The following CDH12 variants were observed in gnomAD, a reference collection of about 807,000 sequenced individuals.
CDH12 encodes the protein cadherin-12.
Under a neutral mutation model 74.1 loss-of-function variants are expected in CDH12, and 41 were observed. The ratio of observed to expected loss-of-function variants is 0.55; its 90% CI spans 0.43 to 0.72. The LOEUF (loss-of-function observed/expected upper bound fraction) is 0.72. Among genes scored for constraint, CDH12 ranks in the 30% least tolerant of loss-of-function variants. The pLI, the probability that CDH12 is intolerant of heterozygous loss-of-function variation, is 0.00. For synonymous variants in CDH12, 399 were observed against 355.0 expected, an observed-to-expected ratio of 1.12 and a Z score of -1.39; for missense variants, 945 against 977.2, an observed-to-expected ratio of 0.97 and a Z score of 0.44.
At chr5:21,808,558 C>T (rs1294210457) in intron 9 of CDH12, among the ~76,000 whole-genome samples, 1 of 151,872 alleles carries the variant, frequency 6.6e-6, no homozygotes, top group Non-Finnish European at 1.5e-5. Flanking sequence ...CTAAGACAAG[C>T]AGTTAGAAAA....
chr5:21,954,531 C>T (rs780475243), intron 6 of CDH12, among the ~76,000 whole-genome samples: 10 of 152,068 alleles, frequency 6.6e-5, no homozygotes, highest in Admixed American at 1.3e-4. Context: ...GTTAGTGCTG[C>T]TTGCTTTATA....
chr5:21,990,203 G>C (rs1382687017), intron 5 of CDH12, among the ~76,000 whole-genome samples: 1 of 152,128 alleles, frequency 6.6e-6, no homozygotes, highest in Non-Finnish European at 1.5e-5. Flanking sequence ...TCCATGCTCA[G>C]TAATGGTTTA....
At chr5:21,820,710 AT>A (rs1231124954) in intron 8 of CDH12, among the ~76,000 whole-genome samples, 1 of 151,978 alleles carries the variant, frequency 6.6e-6, no homozygotes, top group Non-Finnish European at 1.5e-5. Flanking sequence ...ATGACTTGAC[AT>A]TTTATCATGT....
At chr5:22,823,520 A>G (rs988679799) in intron 1 of CDH12, among the ~76,000 whole-genome samples, 17 of 152,110 alleles carry the variant, frequency 1.1e-4, no homozygotes, top group Non-Finnish European at 2.2e-4. Context: ...TTCATTAAAC[A>G]TCTTTCCTTT....
chr5:22,610,090 A>T (rs192886298), intron 1 of CDH12, among the ~76,000 whole-genome samples: 2 of 152,374 alleles, frequency 1.3e-5, no homozygotes, highest in Non-Finnish European at 2.9e-5. Flanking sequence ...ACTAAGTTCT[A>T]TACAAAATAA....
chr5:22,601,622 T>G (rs1736857201), intron 1 of CDH12, among the ~76,000 whole-genome samples: 1 of 152,048 alleles, frequency 6.6e-6, no homozygotes, highest in Non-Finnish European at 1.5e-5. Context: ...GGAAGATGAT[T>G]ATCTTTAGAC....
intron 4 of CDH12, among the ~76,000 whole-genome samples, chr5:22,108,026 A>G (rs1393432886): frequency 6.6e-6 from 1 of 152,182 alleles, no homozygotes; most frequent in Non-Finnish European, 1.5e-5. Context: ...AACAAATATA[A>G]TTTTTGCAAT....
At chr5:21,871,892 T>G (rs1416436982) in intron 6 of CDH12, among the ~76,000 whole-genome samples, 1 of 152,156 alleles carries the variant, frequency 6.6e-6, no homozygotes, top group Non-Finnish European at 1.5e-5. Context: ...ATCTTCTGTG[T>G]ATTAGAAAAG....
chr5:22,826,186 T>G (rs1453264403), intron 1 of CDH12, among the ~76,000 whole-genome samples: 1 of 152,102 alleles, frequency 6.6e-6, no homozygotes, highest in Non-Finnish European at 1.5e-5. Context: ...TTGTGCTGTT[T>G]TTATGATAGT....
chr5:22,105,477 C>A (rs982361897), intron 4 of CDH12, among the ~76,000 whole-genome samples: 18 of 150,978 alleles, frequency 1.2e-4, no homozygotes, highest in African/African-American at 4.4e-4. Context: ...GAGGGAGGAT[C>A]TCCTGAGGTC....
At chr5:21,912,921 C>A (rs959153513) in intron 6 of CDH12, among the ~76,000 whole-genome samples, 1 of 152,164 alleles carries the variant, frequency 6.6e-6, no homozygotes, top group Admixed American at 6.5e-5. Context: ...CTACTTATTG[C>A]AGCCTCCACC....
intron 6 of CDH12, among the ~76,000 whole-genome samples, chr5:21,861,259 T>G (rs1358418377): frequency 6.6e-6 from 1 of 151,796 alleles, no homozygotes; most frequent in Non-Finnish European, 1.5e-5. Flanking sequence ...CCCACTAACC[T>G]GTATTTCAGT....
chr5:22,849,467 A>G (rs1737451564), intron 1 of CDH12, among the ~76,000 whole-genome samples: 1 of 152,142 alleles, frequency 6.6e-6, no homozygotes, highest in African/African-American at 2.4e-5. Context: ...ACTTGTATTT[A>G]GCATCGTGCT....
Position 22,602,862 on chromosome 5 carries a change from T to C in CDH12, c.-522-97498A>G, listed in dbSNP as rs954794868. On this transcript the variant is annotated intron_variant, in intron 1 of 14. Transcript: ENST00000382254. Reference sequence around the variant, plus strand: ...AATATTTGAATGCTGTGCCAACATTTAACTCATATCTGCCAATCAAAAAGG... The same window carrying C: ...AATATTTGAATGCTGTGCCAACATTCAACTCATATCTGCCAATCAAAAAGG... 3.9e-5 allele frequency among the ~76,000 whole-genome samples: 6 copies of C among 152,322 alleles called. No homozygotes were observed. The East Asian group carries it at 1.2e-3, about 29-fold the overall frequency.
chr5:22,342,635 TTTCTCTTTC>T (rs1274726057), intron 3 of CDH12, among the ~76,000 whole-genome samples: 2 of 45,988 alleles, frequency 4.3e-5, no homozygotes, highest in African/African-American at 8.6e-5. Flanking sequence ...TTTCTATTTC[TTTCTCTTTC>T]TTATTTTTCT....
At chr5:22,626,983 C>A (rs1373189204) in intron 1 of CDH12, among the ~76,000 whole-genome samples, 1 of 151,934 alleles carries the variant, frequency 6.6e-6, no homozygotes, top group Non-Finnish European at 1.5e-5. Context: ...GCAGAATAGA[C>A]CATGTAGAGG....
At chr5:22,599,066 T>C (rs999461479) in intron 1 of CDH12, among the ~76,000 whole-genome samples, 6 of 152,198 alleles carry the variant, frequency 3.9e-5, no homozygotes, top group Non-Finnish European at 7.3e-5. Context: ...CAGAGCCTTA[T>C]GTTTGATGCC....
At chr5:22,103,219 T>C (rs1217329518) in intron 4 of CDH12, among the ~76,000 whole-genome samples, 1 of 152,204 alleles carries the variant, frequency 6.6e-6, no homozygotes, top group Non-Finnish European at 1.5e-5. Flanking sequence ...TGACAACCTT[T>C]CTATTTTTAA....
chr5:21,821,508 T>C, intron 8 of CDH12, among the ~76,000 whole-genome samples: 1 of 151,918 alleles, frequency 6.6e-6, no homozygotes, highest in East Asian at 1.9e-4. Context: ...TTTATCTTTA[T>C]GTAACAATAA....
Sources: gnomAD v4.1 joint callset for allele counts (sites outside exome capture counted in the v4.1 genomes callset) on GRCh38, gnomAD v4.1.1 for gene constraint, MANE v1.5 for transcripts, NCBI Gene and HGNC (gene_info 2026-07-23, HGNC 2026-07-21) for gene names.